The following PDAP1 variants were observed in gnomAD, a reference collection of about 807,000 sequenced individuals.
PDAP1 encodes PDGFA associated protein 1.
Under a neutral mutation model 28.0 loss-of-function variants are expected in PDAP1, and 13 were observed. The ratio of observed to expected loss-of-function variants is 0.46; its 90% CI spans 0.30 to 0.74. PDAP1 has a LOEUF of 0.74. Ranked by LOEUF, PDAP1 falls within the 30% of genes least tolerant of loss-of-function variation. PDAP1 has a pLI of 0.07. For synonymous variants in PDAP1, 77 were observed against 85.1 expected (o/e 0.91, Z 0.52); for missense variants, 150 against 230.0 (o/e 0.65, Z 2.25).
At position 99,408,524 on chromosome 7, in the gene PDAP1, C is replaced by T; in HGVS notation, c.13+12G>A. 7.6e-7 allele frequency: 1 copy of T among 1,318,010 alleles called. No homozygotes were observed. Among genetic ancestry groups the T allele is most frequent in the Non-Finnish European group, 9.7e-7 (1 of 1,032,692 alleles). The allele number at this position is 1,318,010 out of a possible 1,614,324, so 81.6% of individuals were successfully genotyped here. Reference sequence around the variant, plus strand: ...CCTCCAGGCCTGCGGGCCACCGGCGCCCGCCCCTCACCTCCTTTAGGCATT... The same window carrying T: ...CCTCCAGGCCTGCGGGCCACCGGCGTCCGCCCCTCACCTCCTTTAGGCATT... On this transcript the variant is annotated intron_variant, in intron 1 of 5. Transcript: ENST00000350498.
At chr7:99,406,192 T>G (rs1044874300) in intron 1 of PDAP1, among the ~76,000 whole-genome samples, 2 of 152,068 alleles carry the variant, frequency 1.3e-5, no homozygotes, top group Admixed American at 6.6e-5. Flanking sequence ...GAGGTTGCAG[T>G]AGCCGAGATT....
chr7:99,397,883 T>C lies in PDAP1; in HGVS notation c.466A>G (p.Lys156Glu). 1 of 1,613,150 alleles carries C rather than the reference T, an allele frequency of 6.2e-7. No individual in the cohort carries two copies. Among genetic ancestry groups the C allele is most frequent in the South Asian group, 1.1e-5 (1 of 91,030 alleles). The change falls in exon 5 of 6, where the codon AAG becomes GAG. Residue 156 changes from lysine to glutamate, a missense_variant. Transcript: ENST00000350498. ...IRKQREEAAR[K>E]KEEERKAKDD... is the part of the protein sequence containing the mutation. Reference sequence around the variant, plus strand: ...TTACCTTTCCTTTCCTCTTCCTTCTTCCGGGCAGCCTCCTCCCGCTGTTTC... The same window carrying C: ...TTACCTTTCCTTTCCTCTTCCTTCTCCCGGGCAGCCTCCTCCCGCTGTTTC...
Position 99,408,564 on chromosome 7 carries a change from T to TGCG in PDAP1, c.-19_-17dup, listed in dbSNP as rs753335575. 2.3e-4 allele frequency: 294 copies of TGCG among 1,264,602 alleles called. No homozygotes were observed. Among genetic ancestry groups the TGCG allele is most frequent in the Middle Eastern group, 4.2e-4 (2 of 4,782 alleles). 78.3% of individuals were successfully genotyped at this position (1,264,602 alleles called of 1,614,324 possible). On this transcript the variant is annotated 5_prime_UTR_variant, in exon 1 of 6. Coordinates refer to ENST00000350498, the MANE Select transcript of PDAP1 (RefSeq NM_014891.7). ...CTTTAGGCATTGCGGCTCCGGCGGC[T>TGCG]GCGGCGGCGGCGGCGGCGCCTCGAA...
At chr7:99,408,410 C>G (rs2150910285) in intron 1 of PDAP1, 126 bp downstream of exon 1, 1 of 865,396 alleles carries the variant, frequency 1.2e-6, no homozygotes. Flanking sequence ...CCAGGCCTGG[C>G]TCTCAGCCGG....
chr7:99,404,821 A>G, intron 2 of PDAP1, 41 bp downstream of exon 2: 1 of 1,535,816 alleles, frequency 6.5e-7, no homozygotes, highest in Non-Finnish European at 9.0e-7. Context: ...GCAAAGCGCC[A>G]CCCTGGGCCA....
chr7:99,402,825 G>A (rs1312822777), intron 3 of PDAP1, among the ~76,000 whole-genome samples: 3 of 146,192 alleles, frequency 2.1e-5, no homozygotes, highest in Non-Finnish European at 3.0e-5. Flanking sequence ...GTTGCAGTGA[G>A]CTGAGATCGT....
chr7:99,396,237 G>A lies in PDAP1; in HGVS notation c.*445C>T, dbSNP rs908721942. The A allele has an allele frequency of 7.4e-5, 18 of 242,378 alleles. No homozygotes were observed. Among genetic ancestry groups the A allele is most frequent in the Non-Finnish European group, 1.5e-4 (18 of 120,470 alleles). 15.0% of individuals were successfully genotyped at this position (242,378 alleles called of 1,614,324 possible). Reference sequence around the variant, plus strand: ...GAGGACCCAGGGGCACAGGCTCCCAGATGATAGCCCCTCTCTGAATGAGCA... The same window carrying A: ...GAGGACCCAGGGGCACAGGCTCCCAAATGATAGCCCCTCTCTGAATGAGCA... On this transcript the variant is annotated 3_prime_UTR_variant, in exon 6 of 6. Coordinates refer to ENST00000350498, the MANE Select transcript of PDAP1 (RefSeq NM_014891.7).
rs558698783 is a variant in PDAP1 at position 99,406,601 on chromosome 7, T to G, written c.14-1648A>C. 4 of 985,394 alleles carry G rather than the reference T, an allele frequency of 4.1e-6. No homozygotes were observed. The East Asian group carries it at 3.4e-4, about 84-fold the overall frequency. The allele number at this position is 985,394 out of a possible 1,614,324, so 61.0% of individuals were successfully genotyped here. A position where few individuals can be genotyped will look rare whatever the true frequency, so the allele number is the denominator to read the frequency against. On this transcript the variant is annotated intron_variant, in intron 1 of 5. Transcript: ENST00000350498. ...CCAGAACACCAGGCTGACCCTTGCT[T>G]AAGCCATCAGCCAGTTTTAAAGCAA...
intron 5 of PDAP1, 48 bp downstream of exon 5, chr7:99,397,809 TGGCCC>T: frequency 6.3e-7 from 1 of 1,592,046 alleles, no homozygotes; most frequent in South Asian, 1.1e-5. Context: ...GCTTTGTGGC[TGGCCC>T]AGGACCAGAG....
intron 2 of PDAP1, 37 bp from the exon 3 acceptor site, chr7:99,403,542 G>A (rs1778020215): frequency 7.6e-7 from 1 of 1,314,392 alleles, no homozygotes; most frequent in Non-Finnish European, 1.1e-6. Context: ...AATCAAAAAT[G>A]CAAAACAAAT....
At position 99,408,559 on chromosome 7, in the gene PDAP1, G is replaced by C; in HGVS notation, c.-11C>G. ...ACCTCCTTTAGGCATTGCGGCTCCGGCGGCTGCGGCGGCGGCGGCGGCGCC... is the reference window on the plus strand; with the variant it reads ...ACCTCCTTTAGGCATTGCGGCTCCGCCGGCTGCGGCGGCGGCGGCGGCGCC... On this transcript the variant is annotated 5_prime_UTR_variant, in exon 1 of 6. Transcript: ENST00000350498. 1 of 1,274,434 alleles carries C rather than the reference G, an allele frequency of 7.8e-7. No individual in the cohort carries two copies. The allele number at this position is 1,274,434 out of a possible 1,614,324, so 78.9% of individuals were successfully genotyped here. A position where few individuals can be genotyped will look rare whatever the true frequency, so the allele number is the denominator to read the frequency against.
Position 99,396,447 on chromosome 7 carries a change from A to G in PDAP1, c.*235T>C. On this transcript the variant is annotated 3_prime_UTR_variant, in exon 6 of 6. Coordinates refer to ENST00000350498, the MANE Select transcript of PDAP1 (RefSeq NM_014891.7). ...AGCAAAAACATTCAAATGGTTACATATGAAATGCTGTCCTGCATCTTTCTG... is the reference window on the plus strand; with the variant it reads ...AGCAAAAACATTCAAATGGTTACATGTGAAATGCTGTCCTGCATCTTTCTG... 1 of 582,946 alleles carries G rather than the reference A, an allele frequency of 1.7e-6. No individual in the cohort carries two copies. The highest frequency in any genetic ancestry group is 2.0e-5 in the South Asian group (1 of 50,400). The allele number at this position is 582,946 out of a possible 1,614,324, so 36.1% of individuals were successfully genotyped here.
At chr7:99,403,597 GA>G (rs1414927189) in intron 2 of PDAP1, 92 bp from the exon 3 acceptor site, 59 of 872,050 alleles carry the variant, frequency 6.8e-5, no homozygotes, top group Non-Finnish European at 1.1e-4. Flanking sequence ...TGGATCTTGA[GA>G]AATCAAGCCT....
chr7:99,398,054 C>A (rs1794798781), intron 4 of PDAP1, 41 bp from the exon 5 acceptor site: 3 of 1,608,038 alleles, frequency 1.9e-6, no homozygotes, highest in Non-Finnish European at 2.6e-6. Flanking sequence ...TCTTTCCTAC[C>A]ACTGTTTGCC....
rs1189881606 is a variant in PDAP1 at position 99,408,552 on chromosome 7, G to A, written c.-4C>T. 4.7e-6 allele frequency: 6 copies of A among 1,277,282 alleles called. No individual in the cohort carries two copies. The highest frequency in any genetic ancestry group is 2.5e-5 in the South Asian group (1 of 39,744). The allele number at this position is 1,277,282 out of a possible 1,614,324, so 79.1% of individuals were successfully genotyped here. A position where few individuals can be genotyped will look rare whatever the true frequency, so the allele number is the denominator to read the frequency against. ...GCCCCTCACCTCCTTTAGGCATTGCGGCTCCGGCGGCTGCGGCGGCGGCGG... is the reference window on the plus strand; with the variant it reads ...GCCCCTCACCTCCTTTAGGCATTGCAGCTCCGGCGGCTGCGGCGGCGGCGG... On this transcript the variant is annotated 5_prime_UTR_variant, in exon 1 of 6. Coordinates refer to ENST00000350498, the MANE Select transcript of PDAP1 (RefSeq NM_014891.7).
chr7:99,399,856 G>T (rs1794830683), intron 4 of PDAP1, among the ~76,000 whole-genome samples: 2 of 152,338 alleles, frequency 1.3e-5, no homozygotes, highest in Non-Finnish European at 2.9e-5. Context: ...TTTCACACAG[G>T]ACTTGCAGAG....
chr7:99,404,612 G>A lies in PDAP1; in HGVS notation c.105+250C>T, dbSNP rs148721670. On this transcript the variant is annotated intron_variant, in intron 2 of 5. Transcript: ENST00000350498. ...CCTGAAAGTAGGTGCACAAGACCAA[G>A]AACAGGGCCCCACTAAAGCAGCTGC... 5.6e-3 allele frequency among the ~76,000 whole-genome samples: 854 copies of A among 152,270 alleles called. 6 individuals carry two copies. The highest frequency in any genetic ancestry group is 0.02 in the African/African-American group (823 of 41,562).
intron 1 of PDAP1, 69 bp downstream of exon 1, chr7:99,408,467 G>A (rs1795031132): frequency 1.5e-6 from 2 of 1,311,394 alleles, no homozygotes; most frequent in Admixed American, 3.7e-5. Flanking sequence ...CGCACGGGCT[G>A]AGGGGACAGC....
At chr7:99,401,250 G>A (rs918697470) in intron 3 of PDAP1, among the ~76,000 whole-genome samples, 2 of 152,132 alleles carry the variant, frequency 1.3e-5, no homozygotes, top group Admixed American at 6.5e-5. Flanking sequence ...TTGATTCGTC[G>A]TTCCTTCAGC....
Sources: allele counts gnomAD v4.1 joint callset (sites outside exome capture counted in the v4.1 genomes callset), GRCh38; gene constraint gnomAD v4.1.1; transcripts MANE v1.5; gene names NCBI Gene and HGNC (gene_info 2026-07-23, HGNC 2026-07-21).